LRRIQ1: variants seen among roughly 807,000 people sequenced by gnomAD.
LRRIQ1 encodes the protein leucine-rich repeat- and IQ domain-containing protein 1.
LRRIQ1 carries 210 observed loss-of-function variants against 211.9 expected under a neutral mutation model. That is an observed-to-expected ratio of 0.99 (90% CI 0.89 to 1.11). The LOEUF (loss-of-function observed/expected upper bound fraction) is 1.11, where lower values mean the gene tolerates loss of function less well. LRRIQ1 is among the 50% of genes most tolerant of loss of function. The pLI, the probability that LRRIQ1 is intolerant of heterozygous loss-of-function variation, is 0.00. For synonymous variants in LRRIQ1, 699 were observed against 650.1 expected, an observed-to-expected ratio of 1.08 and a Z score of -1.14; for missense variants, 2,136 against 1,939.5, an observed-to-expected ratio of 1.10 and a Z score of -1.90.
chr12:85,116,525 A>G (rs1307382839), intron 15 of LRRIQ1, among the ~76,000 whole-genome samples: 2 of 152,168 alleles, frequency 1.3e-5, no homozygotes, highest in Non-Finnish European at 2.9e-5. Flanking sequence ...GGGTTATTTC[A>G]TACAATCAAA....
intron 1 of LRRIQ1, among the ~76,000 whole-genome samples, chr12:85,258,572 G>C (rs920782408): frequency 6.6e-6 from 1 of 151,836 alleles, no homozygotes; most frequent in Non-Finnish European, 1.5e-5. Context: ...CTTGGACACA[G>C]CAGTGACCTT....
At chr12:85,110,582 A>G (rs1887103392) in intron 15 of LRRIQ1, among the ~76,000 whole-genome samples, 1 of 152,294 alleles carries the variant, frequency 6.6e-6, no homozygotes, top group Middle Eastern at 3.4e-3. Flanking sequence ...CACTAGTGTC[A>G]AATGATTATT....
At chr12:85,110,149 A>G (rs1017948909) in intron 15 of LRRIQ1, among the ~76,000 whole-genome samples, 1 of 152,106 alleles carries the variant, frequency 6.6e-6, no homozygotes, top group Non-Finnish European at 1.5e-5. Context: ...ATGGGATCTT[A>G]TTTAATCACC....
At chr12:85,216,167 T>C (rs937384678) in intron 24 of LRRIQ1, among the ~76,000 whole-genome samples, 4 of 152,058 alleles carry the variant, frequency 2.6e-5, no homozygotes, top group Non-Finnish European at 5.9e-5. Flanking sequence ...GCTATCCCTC[T>C]CCTACCCCCG....
downstream of LRRIQ1, among the ~76,000 whole-genome samples, chr12:85,249,217 A>T (rs1417784592): frequency 6.6e-6 from 1 of 151,822 alleles, no homozygotes; most frequent in South Asian, 2.1e-4. Flanking sequence ...AAGTCTAAGG[A>T]TAGTACCTAA....
At chr12:85,090,724 A>G (rs1302266887) in intron 11 of LRRIQ1, among the ~76,000 whole-genome samples, 1 of 152,220 alleles carries the variant, frequency 6.6e-6, no homozygotes, top group Non-Finnish European at 1.5e-5. Flanking sequence ...TTACAGACAC[A>G]TAGGTGGAAG....
intron 24 of LRRIQ1, among the ~76,000 whole-genome samples, chr12:85,164,013 C>T (rs138850426): frequency 1.3e-4 from 20 of 152,232 alleles, no homozygotes; most frequent in Admixed American, 5.2e-4. Context: ...GAACACTTTG[C>T]AGATTTAACA....
At chr12:85,228,894 G>A (rs1424858122) in intron 24 of LRRIQ1, among the ~76,000 whole-genome samples, 1 of 152,126 alleles carries the variant, frequency 6.6e-6, no homozygotes, top group African/African-American at 2.4e-5. Context: ...TAGGTTTTAA[G>A]AGGTGTCTCC....
chr12:85,073,653 T>G (rs1463291302), intron 11 of LRRIQ1, among the ~76,000 whole-genome samples: 1 of 152,066 alleles, frequency 6.6e-6, no homozygotes, highest in East Asian at 1.9e-4. Context: ...TAGTATTAAT[T>G]GATAAACCTG....
chr12:85,185,425 T>C (rs1256099016), intron 24 of LRRIQ1, among the ~76,000 whole-genome samples: 1 of 151,804 alleles, frequency 6.6e-6, no homozygotes, highest in African/African-American at 2.4e-5. Flanking sequence ...AGAGTTTATC[T>C]GAACAAAAAG....
intron 11 of LRRIQ1, among the ~76,000 whole-genome samples, chr12:85,092,430 A>G (rs1355459804): frequency 3.3e-5 from 5 of 152,180 alleles, no homozygotes; most frequent in Admixed American, 3.3e-4. Flanking sequence ...CCCACAAGAT[A>G]ACCTCAGCCA....
chr12:85,062,641 G>T (rs1881973215), intron 8 of LRRIQ1, among the ~76,000 whole-genome samples: 1 of 151,218 alleles, frequency 6.6e-6, no homozygotes, highest in South Asian at 2.1e-4. Context: ...TTGGTATTGT[G>T]AATGGTGCTG....
At chr12:85,252,861 A>G (rs1895988626) in intron 1 of LRRIQ1, among the ~76,000 whole-genome samples, 1 of 152,006 alleles carries the variant, frequency 6.6e-6, no homozygotes, top group African/African-American at 2.4e-5. Context: ...GCACTATCAT[A>G]TATTGAGCAC....
intron 24 of LRRIQ1, among the ~76,000 whole-genome samples, chr12:85,204,657 G>T (rs553620811): frequency 1.3e-5 from 2 of 152,180 alleles, no homozygotes; most frequent in Admixed American, 1.3e-4. Flanking sequence ...TTTTGGACTT[G>T]CATGGGATCT....
chr12:85,082,128 G>T (rs893358031), intron 11 of LRRIQ1, among the ~76,000 whole-genome samples: 5 of 151,962 alleles, frequency 3.3e-5, no homozygotes, highest in African/African-American at 9.7e-5. Context: ...ACTGGATTTT[G>T]TCTGTAAATA....
At chr12:85,203,389 G>A (rs1448497890) in intron 24 of LRRIQ1, among the ~76,000 whole-genome samples, 1 of 152,194 alleles carries the variant, frequency 6.6e-6, no homozygotes, top group African/African-American at 2.4e-5. Flanking sequence ...GTAGAGTGGG[G>A]CATTGCTGAA....
chr12:85,201,863 C>G (rs999314381), intron 24 of LRRIQ1, among the ~76,000 whole-genome samples: 4 of 151,778 alleles, frequency 2.6e-5, no homozygotes, highest in African/African-American at 7.3e-5. Flanking sequence ...TCTAGTTCCT[C>G]TAGTTATGGG....
chr12:85,148,436 T>C (rs1052568512), intron 19 of LRRIQ1, among the ~76,000 whole-genome samples: 1 of 151,994 alleles, frequency 6.6e-6, no homozygotes, highest in Non-Finnish European at 1.5e-5. Context: ...TTGCTGAGGA[T>C]GATGGCTTCC....
At chr12:85,170,436 CA>C (rs1286301475) in intron 24 of LRRIQ1, among the ~76,000 whole-genome samples, 2 of 150,396 alleles carry the variant, frequency 1.3e-5, no homozygotes, top group African/African-American at 4.9e-5. Context: ...TATGCATATA[CA>C]AAAAATTGTA....
Sources: gnomAD v4.1 joint callset for allele counts (sites outside exome capture counted in the v4.1 genomes callset) on GRCh38, gnomAD v4.1.1 for gene constraint, MANE v1.5 for transcripts, NCBI Gene and HGNC (gene_info 2026-07-23, HGNC 2026-07-21) for gene names.